Variants in OPN1SW observed in about 807,000 individuals in gnomAD.
The protein encoded by OPN1SW is short-wave-sensitive opsin 1.
OPN1SW carries 25 observed loss-of-function variants against 31.9 expected under a neutral mutation model. That is an observed-to-expected ratio of 0.78 (90% CI 0.57 to 1.09). The LOEUF (loss-of-function observed/expected upper bound fraction) is 1.09, where lower values mean the gene tolerates loss of function less well. Ranked by LOEUF, OPN1SW falls within the 50% of genes least tolerant of loss-of-function variation. OPN1SW has a pLI of 0.00. For missense variants in OPN1SW, 424 were observed against 448.0 expected (o/e 0.95, Z 0.48); for synonymous variants, 190 against 171.9 (o/e 1.11, Z -0.82).
intron 3 of OPN1SW, 46 bp from the exon 4 acceptor site, chr7:128,773,934 C>T: frequency 1.3e-6 from 2 of 1,545,894 alleles, no homozygotes; most frequent in Non-Finnish European, 8.6e-7. Context: ...TTTCCTGGCC[C>T]TCTGGATGCT....
At chr7:128,774,945 G>A in intron 2 of OPN1SW, 41 bp downstream of exon 2, 1 of 1,612,354 alleles carries the variant, frequency 6.2e-7, no homozygotes, top group East Asian at 2.2e-5. Context: ...ACATCAACCT[G>A]AGCTCCTAGT....
At position 128,774,684 on chromosome 7, in the gene OPN1SW, G is replaced by A. The variant is rs1236014713; in HGVS notation, c.513-21C>T. On this transcript the variant is annotated intron_variant, in intron 2 of 4. Coordinates refer to ENST00000249389, the MANE Select transcript of OPN1SW (RefSeq NM_001385125.1). ...TGAACCTGCAAAGGACCAAACACTT[G>A]CTCACTGGACTCTCCACAAGAGTGC... is the stretch of plus-strand genomic sequence containing the variant. 1.9e-6 allele frequency: 3 copies of A among 1,613,834 alleles called. No homozygotes were observed. The African/African-American group carries it at 4.0e-5, about 22-fold the overall frequency.
Position 128,775,550 on chromosome 7 carries a change from A to G in OPN1SW, c.232T>C (p.Phe78Leu), listed in dbSNP as rs1801744533. The G allele has an allele frequency of 6.2e-7, 1 of 1,613,990 alleles. No homozygotes were observed. Among genetic ancestry groups the G allele is most frequent in the Non-Finnish European group, 8.5e-7 (1 of 1,180,006 alleles). Residue 78 changes from phenylalanine (F) to leucine (L), a missense_variant, in exon 1 of 5, where the codon TTC becomes CTC. Phe to Leu is a conservative substitution (Grantham distance 22, BLOSUM62 0). Coordinates refer to ENST00000249389, the MANE Select transcript of OPN1SW (RefSeq NM_001385125.1). ...YILVNVSFGG[F>L]LLCIFSVFPV... ...AAGACAGAGAAGATGCAGAGGAGGA[A>G]GCCTCCGAAGGACACGTTGACCAGA...
rs1459017074 is a variant in OPN1SW at position 128,774,618 on chromosome 7, G to A, written c.558C>T (p.Tyr186=). 6.2e-7 allele frequency: 1 copy of A among 1,614,148 alleles called. No homozygotes were observed. Among genetic ancestry groups the A allele is most frequent in the Non-Finnish European group, 8.5e-7 (1 of 1,180,032 alleles). ...GLQCSCGPDW[Y]TVGTKYRSES... is the part of the protein sequence containing the mutation. ...CGCTGCGGTATTTGGTGCCCACGGTGTACCAGTCAGGGCCACAGGAACACT... is the reference window on the plus strand; with the variant it reads ...CGCTGCGGTATTTGGTGCCCACGGTATACCAGTCAGGGCCACAGGAACACT... The change falls in exon 3 of 5, where the codon TAC becomes TAT. Residue 186 remains tyrosine (Y), a synonymous_variant. Coordinates refer to ENST00000249389, the MANE Select transcript of OPN1SW (RefSeq NM_001385125.1).
Position 128,775,595 on chromosome 7 carries a change from G to C in OPN1SW, c.187C>G (p.Arg63Gly). The change falls in exon 1 of 5, where the codon CGG (arginine) becomes GGG (glycine). Residue 63 changes from arginine (R) to glycine (G), a missense_variant. Arg to Gly is a moderately radical substitution (Grantham distance 125). Coordinates refer to ENST00000249389, the MANE Select transcript of OPN1SW (RefSeq NM_001385125.1). ...ACCAGAATGTAGTTGAGGGGCTGCCGCAACTTTTTGTAGCGCAGTGTGGCC... is the reference window on the plus strand; with the variant it reads ...ACCAGAATGTAGTTGAGGGGCTGCCCCAACTTTTTGTAGCGCAGTGTGGCC... Reference protein sequence around the residue: ...LVATLRYKKLRQPLNYILVNV... With the variant: ...LVATLRYKKLGQPLNYILVNV... The C allele has an allele frequency of 6.2e-7, 1 of 1,614,134 alleles. No homozygotes were observed. Among genetic ancestry groups the C allele is most frequent in the Non-Finnish European group, 8.5e-7 (1 of 1,180,016 alleles).
Position 128,775,538 on chromosome 7 carries a change from T to C in OPN1SW, c.244A>G (p.Ile82Val), listed in dbSNP as rs776781818. Residue 82 changes from isoleucine to valine, a missense_variant, in exon 1 of 5, where the codon ATC becomes GTC. By Grantham distance (29) the Ile-to-Val change is conservative. Transcript: ENST00000249389. The stretch of plus-strand genomic sequence containing the variant: ...ACGAAGACAGGGAAGACAGAGAAGA[T>C]GCAGAGGAGGAAGCCTCCGAAGGAC... The part of the protein sequence containing the change: ...NVSFGGFLLC[I>V]FSVFPVFVAS... 3 of 1,614,010 alleles carry C rather than the reference T, an allele frequency of 1.9e-6. No individual in the cohort carries two copies. Among genetic ancestry groups the C allele is most frequent in the South Asian group, 2.2e-5 (2 of 91,076 alleles).
intron 2 of OPN1SW, 99 bp from the exon 3 acceptor site, chr7:128,774,762 C>G: frequency 6.5e-7 from 1 of 1,534,462 alleles, no homozygotes; most frequent in African/African-American, 1.4e-5. Flanking sequence ...CCACGGAATG[C>G]CCTAAGGCTT....
Position 128,774,780 on chromosome 7 carries a change from G to A in OPN1SW, c.513-117C>T, listed in dbSNP as rs968388399. ...CGGAATGCCCTAAGGCTTCAAGCAG[G>A]GGGGTTTTCTGTCCTGACTGGGAGA... is the stretch of plus-strand genomic sequence containing the variant. On this transcript the variant is annotated intron_variant, in intron 2 of 4. Coordinates refer to ENST00000249389, the MANE Select transcript of OPN1SW (RefSeq NM_001385125.1). The A allele has an allele frequency of 2.7e-6, 4 of 1,473,824 alleles. No individual in the cohort carries two copies. The East Asian group carries it at 9.6e-5, about 35-fold the overall frequency. The allele number at this position is 1,473,824 out of a possible 1,614,324, so 91.3% of individuals were successfully genotyped here. A position where few individuals can be genotyped will look rare whatever the true frequency, so the allele number is the denominator to read the frequency against.
At chr7:128,774,398 C>T (rs1028134597) in intron 3 of OPN1SW, 100 bp downstream of exon 3, 2 of 1,490,158 alleles carry the variant, frequency 1.3e-6, no homozygotes, top group African/African-American at 2.8e-5. Context: ...GATACCCTCT[C>T]TGGCTATGGA....
rs1411983706 is a variant in OPN1SW, at chr7:128,775,009, GA to G, written c.488del (p.Ile163ThrfsTer59). On this transcript the variant is annotated frameshift_variant, in exon 2 of 5. Transcript: ENST00000249389. LOFTEE classifies it high-confidence loss of function. Reference protein sequence around the residue: ...ATWTIGIGVSIPPFFGWSRFI... With the variant: ...ATWTIGIGVSXPPFFGWSRFI... ...ACCGGCTCCAGCCAAAGAAGGGTGG[GA>G]TGGAGACGCCAATACCAATGGTCCA... 1 of 1,614,062 alleles carries G rather than the reference GA, an allele frequency of 6.2e-7. No homozygotes were observed. Among genetic ancestry groups the G allele is most frequent in the African/African-American group, 1.3e-5 (1 of 74,940 alleles).
chr7:128,775,544 G>A lies in OPN1SW; in HGVS notation c.238C>T (p.Leu80Phe). 2 of 1,614,170 alleles carry A rather than the reference G, an allele frequency of 1.2e-6. No homozygotes were observed. Among genetic ancestry groups the A allele is most frequent in the Admixed American group, 1.7e-5 (1 of 60,022 alleles). ...LVNVSFGGFL[L>F]CIFSVFPVFV... ...ACAGGGAAGACAGAGAAGATGCAGA[G>A]GAGGAAGCCTCCGAAGGACACGTTG... is the stretch of plus-strand genomic sequence containing the variant. Residue 80 changes from leucine to phenylalanine, a missense_variant, in exon 1 of 5, where the codon CTC (leucine) becomes TTC (phenylalanine). By Grantham distance (22) the Leu-to-Phe change is conservative. Transcript: ENST00000249389.
rs749006905 is a variant in OPN1SW at position 128,774,552 on chromosome 7, C to T, written c.624G>A (p.Val208=). The T allele has an allele frequency of 3.7e-6, 6 of 1,613,944 alleles. No homozygotes were observed. In the East Asian group the frequency reaches 1.3e-4, roughly 36 times the overall value. Residue 208 remains valine (V), a synonymous_variant, in exon 3 of 5, where the codon GTG becomes GTA. Coordinates refer to ENST00000249389, the MANE Select transcript of OPN1SW (RefSeq NM_001385125.1). ...AGGAGAAGCAGATGAGGGAGAGAGG[C>T]ACAATGAAGCAGAAGATGAAGAGGA... ...TWFLFIFCFI[V]PLSLICFSYT...
chr7:128,775,384 C>A (rs1031313661), intron 1 of OPN1SW, 55 bp downstream of exon 1: 72 of 1,547,170 alleles, frequency 4.7e-5, no homozygotes, highest in Middle Eastern at 1.8e-4. Context: ...TAGGAACCCC[C>A]TCCAGTGGAG....
At position 128,773,815 on chromosome 7, in the gene OPN1SW, A is replaced by G. The variant is rs1416118291; in HGVS notation, c.752T>C (p.Met251Thr). The change falls in exon 4 of 5, where the codon ATG becomes ACG. Residue 251 changes from methionine to threonine, a missense_variant. Physicochemically the swap from Met to Thr is moderately conservative, Grantham distance 81 (BLOSUM62 -1). Coordinates refer to ENST00000249389, the MANE Select transcript of OPN1SW (RefSeq NM_001385125.1). ...GTAGCAGACACAGAAGGATCCTACC[A>G]TCACAACCACCATGCGGCTCACCTC... The part of the protein sequence containing the change: ...EREVSRMVVV[M>T]VGSFCVCYVP... The G allele has an allele frequency of 6.2e-7, 1 of 1,614,080 alleles. No individual in the cohort carries two copies. The highest frequency in any genetic ancestry group is 1.1e-5 in the South Asian group (1 of 91,076).
rs1449582858 is a variant in OPN1SW, at chr7:128,773,827, A to G, written c.740T>C (p.Met247Thr). Residue 247 changes from methionine (M) to threonine (T), a missense_variant, in exon 4 of 5, where the codon ATG (methionine) becomes ACG (threonine). Physicochemically the swap from Met to Thr is moderately conservative, Grantham distance 81. Coordinates refer to ENST00000249389, the MANE Select transcript of OPN1SW (RefSeq NM_001385125.1). The stretch of plus-strand genomic sequence containing the variant: ...GAAGGATCCTACCATCACAACCACC[A>G]TGCGGCTCACCTCCCGTTCAGCCTT... Reference protein sequence around the residue: ...TQKAEREVSRMVVVMVGSFCV... With the variant: ...TQKAEREVSRTVVVMVGSFCV... The G allele has an allele frequency of 6.2e-7, 1 of 1,613,756 alleles. No individual in the cohort carries two copies. Among genetic ancestry groups the G allele is most frequent in the Admixed American group, 1.7e-5 (1 of 60,004 alleles).
intron 4 of OPN1SW, 120 bp from the exon 5 acceptor site, chr7:128,772,779 T>A: frequency 7.5e-7 from 1 of 1,337,894 alleles, no homozygotes; most frequent in Non-Finnish European, 1.1e-6. Flanking sequence ...TGCCCTTAGG[T>A]GGTTTTGAAT....
In OPN1SW at chr7:128,773,754, G is replaced by A. The variant is rs1756104468; in HGVS notation, c.813C>T (p.Asn271=). Residue 271 remains asparagine (N), a synonymous_variant, in exon 4 of 5, where the codon AAC becomes AAT. Coordinates refer to ENST00000249389, the MANE Select transcript of OPN1SW (RefSeq NM_001385125.1). ...PYAAFAMYMV[N]NRNHGLDLRL... ...GTAAGTCCAGCCCATGGTTACGGTT[G>A]TTGACCATGTACATGGCGAAGGCCG... The A allele has an allele frequency of 6.2e-7, 1 of 1,614,238 alleles. No individual in the cohort carries two copies. The highest frequency in any genetic ancestry group is 1.7e-5 in the Admixed American group (1 of 60,026).
chr7:128,774,984 A>T lies in OPN1SW; in HGVS notation c.512+2T>A, dbSNP rs1198417071. 1 of 1,613,932 alleles carries T rather than the reference A, an allele frequency of 6.2e-7. No individual in the cohort carries two copies. The highest frequency in any genetic ancestry group is 8.5e-7 in the Non-Finnish European group (1 of 1,180,006). On this transcript the variant is annotated splice_donor_variant, in intron 2 of 4. Transcript: ENST00000249389. LOFTEE classifies it high-confidence loss of function. ...CTCAGCACCACTGCCCTGCACTCTC[A>T]CCGGCTCCAGCCAAAGAAGGGTGGG...
Position 128,774,893 on chromosome 7 carries a change from G to C in OPN1SW, c.512+93C>G, listed in dbSNP as rs73467169. On this transcript the variant is annotated intron_variant, in intron 2 of 4. Coordinates refer to ENST00000249389, the MANE Select transcript of OPN1SW (RefSeq NM_001385125.1). ...CATATTGCAACTCTTTAAAAGTAGA[G>C]GTCAAAGACTAAATAGTTATACCCA... 2.9e-3 allele frequency: 4,380 copies of C among 1,529,074 alleles called. 53 individuals carry two copies. The African/African-American group carries it at 0.032, about 11-fold the overall frequency. 94.7% of individuals were successfully genotyped at this position (1,529,074 alleles called of 1,614,324 possible).
Sources: gnomAD v4.1 joint callset for allele counts on GRCh38, gnomAD v4.1.1 for gene constraint, MANE v1.5 for transcripts, NCBI Gene and HGNC (gene_info 2026-07-23, HGNC 2026-07-21) for gene names.